Variants in EEPD1 observed in about 807,000 individuals in gnomAD.
The protein encoded by EEPD1 is endonuclease/exonuclease/phosphatase family domain-containing protein 1.
EEPD1 carries 17 observed loss-of-function variants against 46.3 expected under a neutral mutation model. The ratio of observed to expected loss-of-function variants is 0.37; its 90% CI spans 0.25 to 0.55. The LOEUF is 0.55. Among genes scored for constraint, EEPD1 ranks in the 20% least tolerant of loss-of-function variants. The pLI is 0.83. For synonymous variants in EEPD1, 313 were observed against 315.6 expected, an observed-to-expected ratio of 0.99 and a Z score of 0.09; for missense variants, 673 against 745.6, an observed-to-expected ratio of 0.90 and a Z score of 1.13.
intron 2 of EEPD1, among the ~76,000 whole-genome samples, chr7:36,216,710 A>G (rs1262860651): frequency 6.6e-6 from 1 of 152,246 alleles, no homozygotes; most frequent in Non-Finnish European, 1.5e-5. Context: ...ATATGTGTAT[A>G]TATCTCCATT....
intron 2 of EEPD1, among the ~76,000 whole-genome samples, chr7:36,184,646 A>G (rs1785332069): frequency 6.6e-6 from 1 of 152,198 alleles, no homozygotes. Context: ...TAGACTGTTG[A>G]TCCCCTTTTA....
intron 2 of EEPD1, among the ~76,000 whole-genome samples, chr7:36,177,599 A>T (rs1366157082): frequency 6.6e-6 from 1 of 151,948 alleles, no homozygotes. Flanking sequence ...ACATGATTTC[A>T]TTTTTTTTAT....
intron 2 of EEPD1, among the ~76,000 whole-genome samples, chr7:36,172,617 G>GT (rs70977113): frequency 0.016 from 1,606 of 100,032 alleles, 77 homozygotes; most frequent in African/African-American, 0.054. Flanking sequence ...AATATTATGA[G>GT]TTTTTTTTTT....
At chr7:36,291,846 A>T (rs1219347863) in intron 6 of EEPD1, among the ~76,000 whole-genome samples, 1 of 152,238 alleles carries the variant, frequency 6.6e-6, no homozygotes, top group Non-Finnish European at 1.5e-5. Context: ...GCTGTGGGAC[A>T]ACAAGGGTCA....
At chr7:36,223,936 T>C (rs1195980011) in intron 2 of EEPD1, among the ~76,000 whole-genome samples, 1 of 152,230 alleles carries the variant, frequency 6.6e-6, no homozygotes, top group Admixed American at 6.5e-5. Context: ...CACTTTCAAC[T>C]GAATCCTCTT....
At chr7:36,215,078 G>C (rs1038501852) in intron 2 of EEPD1, among the ~76,000 whole-genome samples, 6 of 152,226 alleles carry the variant, frequency 3.9e-5, no homozygotes, top group African/African-American at 1.4e-4. Context: ...TCAATTGCAG[G>C]CTGGAGGATA....
rs1403402168 is a variant in EEPD1, at chr7:36,246,684, G to C, written c.930+7648G>C. ...AAGATGCCTGTCAGTCCTCCCTGCT[G>C]ATAGGTGTTTTTTTTTTAGAATTTC... On this transcript the variant is annotated intron_variant, in intron 3 of 7. Coordinates refer to ENST00000242108, the MANE Select transcript of EEPD1 (RefSeq NM_030636.3). 2.0e-5 allele frequency among the ~76,000 whole-genome samples: 3 copies of C among 152,172 alleles called. No individual in the cohort carries two copies. In the East Asian group the frequency reaches 5.8e-4, roughly 29 times the overall value.
intron 2 of EEPD1, among the ~76,000 whole-genome samples, chr7:36,180,000 C>T (rs2115652099): frequency 6.6e-6 from 1 of 152,316 alleles, no homozygotes; most frequent in African/African-American, 2.4e-5. Flanking sequence ...TTGAGCCTCC[C>T]AGCTGATTCC....
At chr7:36,273,141 C>G (rs1787136791) in intron 3 of EEPD1, among the ~76,000 whole-genome samples, 2 of 151,568 alleles carry the variant, frequency 1.3e-5, no homozygotes, top group South Asian at 4.2e-4. Context: ...CACACACACA[C>G]ACACACACAC....
intron 2 of EEPD1, among the ~76,000 whole-genome samples, chr7:36,197,318 C>T (rs1256097133): frequency 6.6e-6 from 1 of 150,600 alleles, no homozygotes; most frequent in Non-Finnish European, 1.5e-5. Context: ...CCCGGCCAGC[C>T]GCCCAGTCCA....
chr7:36,276,169 G>A (rs762882914), intron 3 of EEPD1, among the ~76,000 whole-genome samples: 1 of 152,160 alleles, frequency 6.6e-6, no homozygotes, highest in Non-Finnish European at 1.5e-5. Context: ...ACAGGATGAG[G>A]TAGGAGGTCA....
intron 2 of EEPD1, among the ~76,000 whole-genome samples, chr7:36,203,656 C>A (rs1298648895): frequency 2.0e-5 from 3 of 152,204 alleles, no homozygotes. Flanking sequence ...CCCTTGTCTG[C>A]AGGAGCTAAA....
At chr7:36,241,365 CAGG>C (rs889371870) in intron 3 of EEPD1, among the ~76,000 whole-genome samples, 2 of 151,942 alleles carry the variant, frequency 1.3e-5, no homozygotes, top group African/African-American at 4.8e-5. Flanking sequence ...CCCAGCTACT[CAGG>C]AGGCGGAAGC....
At chr7:36,241,011 A>G (rs1312278473) in intron 3 of EEPD1, among the ~76,000 whole-genome samples, 1 of 152,252 alleles carries the variant, frequency 6.6e-6, no homozygotes, top group African/African-American at 2.4e-5. Context: ...AGAGAGAGAA[A>G]GATGAGAATA....
In EEPD1 at chr7:36,297,365, C is replaced by T. The variant is rs1232831042; in HGVS notation, c.1510+178C>T. The stretch of plus-strand genomic sequence containing the variant: ...CAGGAATCCAGGCCCCTGTCAGTCC[C>T]GCGCTAAGGACCACACAGTGCTTTC... On this transcript the variant is annotated intron_variant, in intron 7 of 7. Transcript: ENST00000242108. Among the ~76,000 whole-genome samples, 19 of 152,294 alleles carry T rather than the reference C, an allele frequency of 1.2e-4. 1 individual carries two copies. Among genetic ancestry groups the T allele is most frequent in the Admixed American group, 5.9e-4 (9 of 15,296 alleles).
At chr7:36,259,649 AC>A (rs1459997489) in intron 3 of EEPD1, among the ~76,000 whole-genome samples, 1 of 151,916 alleles carries the variant, frequency 6.6e-6, no homozygotes, top group Non-Finnish European at 1.5e-5. Flanking sequence ...AGCTGGAATT[AC>A]AGGCACACAC....
At chr7:36,185,959 A>G (rs1785354360) in intron 2 of EEPD1, among the ~76,000 whole-genome samples, 1 of 152,250 alleles carries the variant, frequency 6.6e-6, no homozygotes, top group Non-Finnish European at 1.5e-5. Context: ...CACTGGAACA[A>G]GTATAACTGG....
chr7:36,270,466 C>T (rs966344976), intron 3 of EEPD1, among the ~76,000 whole-genome samples: 1 of 152,100 alleles, frequency 6.6e-6, no homozygotes, highest in Non-Finnish European at 1.5e-5. Flanking sequence ...TAGCCCCCAA[C>T]CCCCAACAGG....
intron 2 of EEPD1, among the ~76,000 whole-genome samples, chr7:36,155,984 C>T (rs1418885080): frequency 6.6e-6 from 1 of 152,168 alleles, no homozygotes; most frequent in Non-Finnish European, 1.5e-5. Flanking sequence ...GGCAGTAACT[C>T]CTGCTGTTAG....
Sources: allele counts gnomAD v4.1 joint callset (sites outside exome capture counted in the v4.1 genomes callset), GRCh38; gene constraint gnomAD v4.1.1; transcripts MANE v1.5; gene names NCBI Gene and HGNC (gene_info 2026-07-23, HGNC 2026-07-21).